Variants in POFUT2 observed in about 807,000 individuals in gnomAD.
POFUT2 encodes the protein GDP-fucose protein O-fucosyltransferase 2.
Under a neutral mutation model 55.0 loss-of-function variants are expected in POFUT2, and 30 were observed. The observed-to-expected ratio is 0.55, with a 90% CI of 0.41 to 0.74. The LOEUF is 0.74. POFUT2 is among the 30% of genes least tolerant of loss of function. POFUT2 has a pLI of 0.00. For missense variants in POFUT2, 524 were observed against 562.6 expected (o/e 0.93, Z 0.69); for synonymous variants, 267 against 231.1 (o/e 1.16, Z -1.41).
Position 45,267,316 on chromosome 21 carries a change from CAAG to C in POFUT2, c.1136+271_1136+273del, listed in dbSNP as rs2093165009. Reference sequence around the variant, plus strand: ...CCGGGAATGATGGGAAAATGCGACACAAGAAGAGGTTCTGAGACGAGGCCAGCT... The same window carrying C: ...CCGGGAATGATGGGAAAATGCGACACAAGAGGTTCTGAGACGAGGCCAGCT... On this transcript the variant is annotated intron_variant, in intron 8 of 8. Transcript: ENST00000349485. This position sits in a 1 kb window ranked among gnomAD's most constrained non-coding sequence, Gnocchi z 4.4. 2 of 1,483,044 alleles carry C rather than the reference CAAG, an allele frequency of 1.3e-6. No homozygotes were observed. Among genetic ancestry groups the C allele is most frequent in the South Asian group, 2.8e-5 (2 of 71,222 alleles). 91.9% of individuals were successfully genotyped at this position (1,483,044 alleles called of 1,614,324 possible).
At chr21:45,266,834 C>A (rs567354635) in intron 8 of POFUT2, 2 of 1,009,560 alleles carry the variant, frequency 2.0e-6, no homozygotes, top group South Asian at 8.3e-5. Flanking sequence ...ACAGTGCTAA[C>A]CACGGGGAAG....
Position 45,277,206 on chromosome 21 carries a change from G to T in POFUT2, c.706-64C>A. 1.3e-6 allele frequency: 2 copies of T among 1,578,958 alleles called. No individual in the cohort carries two copies. Among genetic ancestry groups the T allele is most frequent in the South Asian group, 1.1e-5 (1 of 88,630 alleles). ...CCCGCCACGCAGCCCTCCCGGAGCG[G>T]GTTCTCCTGTCGCTGCCACCACCCA... On this transcript the variant is annotated intron_variant, in intron 5 of 8. Transcript: ENST00000349485. The surrounding 1 kb of genome is among the most constrained non-coding windows in gnomAD (Gnocchi z 6.9).
chr21:45,265,792 C>T lies in POFUT2; in HGVS notation c.1137-157G>A. On this transcript the variant is annotated intron_variant, in intron 8 of 8. Transcript: ENST00000349485. This position sits in a 1 kb window ranked among gnomAD's most constrained non-coding sequence, Gnocchi z 4.6. Reference sequence around the variant, plus strand: ...CCGAGCACCCACCAGCCGGCCGCCCCCTTGCTGGCACCCCTCGCTCAGGTG... The same window carrying T: ...CCGAGCACCCACCAGCCGGCCGCCCTCTTGCTGGCACCCCTCGCTCAGGTG... The T allele has an allele frequency of 7.0e-7, 1 of 1,428,458 alleles. No individual in the cohort carries two copies. Among genetic ancestry groups the T allele is most frequent in the Non-Finnish European group, 9.1e-7 (1 of 1,095,002 alleles). 88.5% of individuals were successfully genotyped at this position (1,428,458 alleles called of 1,614,324 possible).
rs2255774 is a variant in POFUT2, at chr21:45,263,936, T to G, written c.*1546A>C. ...AGTCTACACTCCACAGCTACCAACTTCCATAAAGCAGTTTATTTTTCTTAA... is the reference window on the plus strand; with the variant it reads ...AGTCTACACTCCACAGCTACCAACTGCCATAAAGCAGTTTATTTTTCTTAA... On this transcript the variant is annotated 3_prime_UTR_variant, in exon 9 of 9. Coordinates refer to ENST00000349485, the MANE Select transcript of POFUT2 (RefSeq NM_133635.6). The G allele has an allele frequency of 6.6e-6, 1 of 152,096 alleles. No homozygotes were observed. The highest frequency in any genetic ancestry group is 2.4e-5 in the African/African-American group (1 of 41,388). The allele number at this position is 152,096 out of a possible 1,614,324, so 9.4% of individuals were successfully genotyped here.
At chr21:45,269,625 C>G (rs1250182580) in intron 7 of POFUT2, among the ~76,000 whole-genome samples, 2 of 151,856 alleles carry the variant, frequency 1.3e-5, no homozygotes, top group Non-Finnish European at 2.9e-5. Flanking sequence ...TCCCTAATCT[C>G]AAGTAATCAG....
chr21:45,268,780 C>A (rs1366461260), intron 7 of POFUT2, among the ~76,000 whole-genome samples: 1 of 145,512 alleles, frequency 6.9e-6, no homozygotes, highest in Admixed American at 6.8e-5. Flanking sequence ...GGAGCGTCTC[C>A]GCCCGGCAGC....
Position 45,267,988 on chromosome 21 carries a change from C to T in POFUT2, c.1013-275G>A, listed in dbSNP as rs1057062010. Among the ~76,000 whole-genome samples, 4 of 151,884 alleles carry T rather than the reference C, an allele frequency of 2.6e-5. No individual in the cohort carries two copies. The highest frequency in any genetic ancestry group is 4.4e-5 in the Non-Finnish European group (3 of 67,976). On this transcript the variant is annotated intron_variant, in intron 7 of 8. Transcript: ENST00000349485. The surrounding 1 kb of genome is among the most constrained non-coding windows in gnomAD (Gnocchi z 4.4). ...ACGTGCTCCCTCTCCCTCTCCTTCT[C>T]CCTCTCCCTCTCCCCACGGTCTCCC...
chr21:45,282,209 C>T lies in POFUT2; in HGVS notation c.638+140G>A. 1.6e-6 allele frequency: 1 copy of T among 636,732 alleles called. No homozygotes were observed. The highest frequency in any genetic ancestry group is 1.8e-5 in the South Asian group (1 of 54,704). 39.4% of individuals were successfully genotyped at this position (636,732 alleles called of 1,614,324 possible). On this transcript the variant is annotated intron_variant, in intron 4 of 8. Coordinates refer to ENST00000349485, the MANE Select transcript of POFUT2 (RefSeq NM_133635.6). This position sits in a 1 kb window ranked among gnomAD's most constrained non-coding sequence, Gnocchi z 4.6. Reference sequence around the variant, plus strand: ...TGCAAGCACTTCCCTAACCACCACCCCCCAGGGCCCCCAGGGTCCGCTGTC... The same window carrying T: ...TGCAAGCACTTCCCTAACCACCACCTCCCAGGGCCCCCAGGGTCCGCTGTC...
intron 7 of POFUT2, among the ~76,000 whole-genome samples, chr21:45,268,299 G>A (rs2093176601): frequency 6.6e-6 from 1 of 152,234 alleles, no homozygotes; most frequent in South Asian, 2.1e-4. Context: ...ATGGTGCCCA[G>A]GCTGGAGTGC....
At position 45,283,400 on chromosome 21, in the gene POFUT2, G is replaced by A. The variant is rs2146672915; in HGVS notation, c.510C>T (p.Asp170=). ...GCAGGCACCTGTAGTACTCGTGCTTGTCCTGGGAGTACAGGAGCTGATCAA... is the reference window on the plus strand; with the variant it reads ...GCAGGCACCTGTAGTACTCGTGCTTATCCTGGGAGTACAGGAGCTGATCAA... The part of the protein sequence containing the change: ...PCIDQLLYSQ[D]KHEYYRGWFW... The change falls in exon 3 of 9, where the codon GAC becomes GAT. Residue 170 remains aspartate, a synonymous_variant. Coordinates refer to ENST00000349485, the MANE Select transcript of POFUT2 (RefSeq NM_133635.6). The A allele has an allele frequency of 6.2e-7, 1 of 1,609,814 alleles. No homozygotes were observed. The highest frequency in any genetic ancestry group is 8.5e-7 in the Non-Finnish European group (1 of 1,178,564).
chr21:45,283,652 G>A, intron 2 of POFUT2, 125 bp from the exon 3 acceptor site: 1 of 1,005,172 alleles, frequency 9.9e-7, no homozygotes, highest in African/African-American at 1.6e-5. Flanking sequence ...GGGAGTGTAG[G>A]AGGCTCACAA....
Position 45,269,755 on chromosome 21 carries a change from C to T in POFUT2, c.1012+84G>A, listed in dbSNP as rs960116225. Reference sequence around the variant, plus strand: ...TGTTCCATGACCCTGCCAAAATCCCCGTCTGTGAGAAACACCCAAGAATTA... The same window carrying T: ...TGTTCCATGACCCTGCCAAAATCCCTGTCTGTGAGAAACACCCAAGAATTA... On this transcript the variant is annotated intron_variant, in intron 7 of 8. Coordinates refer to ENST00000349485, the MANE Select transcript of POFUT2 (RefSeq NM_133635.6). 5.7e-5 allele frequency: 75 copies of T among 1,323,434 alleles called. 1 individual carries two copies. The highest frequency in any genetic ancestry group is 4.9e-4 in the East Asian group (19 of 39,078). 82.0% of individuals were successfully genotyped at this position (1,323,434 alleles called of 1,614,324 possible).
In POFUT2 at chr21:45,282,654, T is replaced by C. The variant is rs2030828532; in HGVS notation, c.528-195A>G. ...AGAAGCCCATGAGTGTCTCTCAGGC[T>C]GATGGACCACTGAGGCTTTCCCCAT... On this transcript the variant is annotated intron_variant, in intron 3 of 8. Transcript: ENST00000349485. This position sits in a 1 kb window ranked among gnomAD's most constrained non-coding sequence, Gnocchi z 4.6. 1.0e-5 allele frequency: 6 copies of C among 602,210 alleles called. No individual in the cohort carries two copies. In the East Asian group the frequency reaches 1.8e-4, roughly 18 times the overall value. The allele number at this position is 602,210 out of a possible 1,614,324, so 37.3% of individuals were successfully genotyped here.
Position 45,285,595 on chromosome 21 carries a change from G to T in POFUT2, c.382+83C>A. On this transcript the variant is annotated intron_variant, in intron 2 of 8. Transcript: ENST00000349485. The surrounding 1 kb of genome is among the most constrained non-coding windows in gnomAD (Gnocchi z 4.9). ...CTGGTGAGGCTGGATGCAATCGTAA[G>T]CCCAACCTGATGTCTACCTTAGAAA... The T allele has an allele frequency of 6.4e-7, 1 of 1,562,144 alleles. No individual in the cohort carries two copies. The highest frequency in any genetic ancestry group is 8.8e-7 in the Non-Finnish European group (1 of 1,140,356).
chr21:45,286,039 G>A (rs988781327), intron 1 of POFUT2, 111 bp from the exon 2 acceptor site: 1 of 949,398 alleles, frequency 1.1e-6, no homozygotes. Flanking sequence ...CTTAACAATG[G>A]TTCCTAGTTT....
At position 45,267,318 on chromosome 21, in the gene POFUT2, A is replaced by G. The variant is rs1167573292; in HGVS notation, c.1136+272T>C. ...GGGAATGATGGGAAAATGCGACACA[A>G]GAAGAGGTTCTGAGACGAGGCCAGC... On this transcript the variant is annotated intron_variant, in intron 8 of 8. Coordinates refer to ENST00000349485, the MANE Select transcript of POFUT2 (RefSeq NM_133635.6). This position sits in a 1 kb window ranked among gnomAD's most constrained non-coding sequence, Gnocchi z 4.4. The G allele has an allele frequency of 2.0e-6, 3 of 1,487,170 alleles. No homozygotes were observed. The Admixed American group carries it at 7.2e-5, about 36-fold the overall frequency. The allele number at this position is 1,487,170 out of a possible 1,614,324, so 92.1% of individuals were successfully genotyped here.
chr21:45,272,376 C>T (rs941118758), intron 6 of POFUT2, among the ~76,000 whole-genome samples: 1 of 152,152 alleles, frequency 6.6e-6, no homozygotes, highest in East Asian at 1.9e-4. Context: ...ATTATACATG[C>T]ACCTAACACT....
chr21:45,284,574 A>G lies in POFUT2; in HGVS notation c.383-1047T>C, dbSNP rs1409119101. On this transcript the variant is annotated intron_variant, in intron 2 of 8. Transcript: ENST00000349485. The surrounding 1 kb of genome is among the most constrained non-coding windows in gnomAD (Gnocchi z 5.8). ...CATATGTGCCTCAGAAGCTCATTAC[A>G]CAGCATCTGTCTTCCCAGACCTTCC... 1.3e-5 allele frequency among the ~76,000 whole-genome samples: 2 copies of G among 152,200 alleles called. No individual in the cohort carries two copies. Among genetic ancestry groups the G allele is most frequent in the Non-Finnish European group, 2.9e-5 (2 of 68,044 alleles).
intron 8 of POFUT2, chr21:45,266,444 GCTTCGCGCAGCT>G: frequency 8.7e-7 from 1 of 1,154,244 alleles, no homozygotes; most frequent in Non-Finnish European, 1.1e-6. Context: ...TGGGCCGAGC[GCTTCGCGCAGCT>G]GAGGGCAGGA....
Sources: gnomAD v4.1 joint callset for allele counts (sites outside exome capture counted in the v4.1 genomes callset) on GRCh38, gnomAD v4.1.1 for gene constraint, Gnocchi (gnomAD v3.1) non-coding constraint, MANE v1.5 for transcripts, NCBI Gene and HGNC (gene_info 2026-07-23, HGNC 2026-07-21) for gene names.